Variants in STK32B observed in about 807,000 individuals in gnomAD.
The protein encoded by STK32B is serine/threonine-protein kinase 32B.
In STK32B, 43 loss-of-function variants were observed where a neutral mutation model predicts 52.6. That is an observed-to-expected ratio of 0.82 (90% CI 0.64 to 1.05). STK32B has a LOEUF of 1.05. STK32B is among the 50% of genes least tolerant of loss of function. The pLI, the probability that STK32B is intolerant of heterozygous loss-of-function variation, is 0.00. For missense variants in STK32B, 621 were observed against 534.6 expected (o/e 1.16, Z -1.59); for synonymous variants, 238 against 204.3 (o/e 1.17, Z -1.41).
chr4:5,409,721 A>G (rs1292872047), intron 5 of STK32B, among the ~76,000 whole-genome samples: 1 of 152,116 alleles, frequency 6.6e-6, no homozygotes, highest in African/African-American at 2.4e-5. Flanking sequence ...AGAGCTCAGT[A>G]AAGCCCAGAA....
intron 3 of STK32B, among the ~76,000 whole-genome samples, chr4:5,249,448 TTCCTTCCTTCCTTCCTTCCTTCC>T (rs1303684240): frequency 5.6e-5 from 2 of 35,912 alleles, no homozygotes; most frequent in African/African-American, 3.9e-4. Context: ...CCTACCTTCC[TTCCTTCCTTCCTTCCTTCCTTCC>T]TTCCTTCCTT....
At position 5,222,279 on chromosome 4, in the gene STK32B, G is replaced by C. The variant is rs555996766; in HGVS notation, c.260+53829G>C. On this transcript the variant is annotated intron_variant, in intron 3 of 11. Transcript: ENST00000282908. ...GTTACTATGCCAAATACCTAAAAAA[G>C]TGGAAGTAGCTTTCAAACTGGGTAA... Among the ~76,000 whole-genome samples the C allele has an allele frequency of 2.9e-4, 44 of 152,292 alleles. 1 individual carries two copies. In the South Asian group the frequency reaches 8.1e-3, roughly 28 times the overall value.
At chr4:5,490,611 C>T (rs1719641703) in intron 11 of STK32B, among the ~76,000 whole-genome samples, 1 of 151,390 alleles carries the variant, frequency 6.6e-6, no homozygotes, top group Admixed American at 6.6e-5. Context: ...TTTTAGGGTA[C>T]ATGTGCACAA....
chr4:5,331,651 T>A (rs186219663), intron 4 of STK32B, among the ~76,000 whole-genome samples: 68 of 152,332 alleles, frequency 4.5e-4, no homozygotes, highest in Non-Finnish European at 7.8e-4. Flanking sequence ...TGCTCCAGTA[T>A]GCCTAGGGAA....
intron 6 of STK32B, among the ~76,000 whole-genome samples, chr4:5,420,531 G>A (rs2109076365): frequency 6.6e-6 from 1 of 152,322 alleles, no homozygotes; most frequent in East Asian, 1.9e-4. Context: ...GACCCAGCAA[G>A]AGCAGTAGGT....
At chr4:5,322,438 G>T (rs1731570489) in intron 3 of STK32B, among the ~76,000 whole-genome samples, 1 of 152,156 alleles carries the variant, frequency 6.6e-6, no homozygotes, top group African/African-American at 2.4e-5. Context: ...AAAGTGGCCT[G>T]AGGAGATGCT....
At chr4:5,364,316 G>GTTA (rs1219057569) in intron 4 of STK32B, among the ~76,000 whole-genome samples, 2 of 152,250 alleles carry the variant, frequency 1.3e-5, no homozygotes, top group South Asian at 2.1e-4. Context: ...CAGCATATCT[G>GTTA]TTATTATTAT....
intron 3 of STK32B, among the ~76,000 whole-genome samples, chr4:5,214,762 C>G (rs1723091870): frequency 6.6e-6 from 1 of 152,156 alleles, no homozygotes; most frequent in South Asian, 2.1e-4. Flanking sequence ...ACTGTATATA[C>G]AGATTTGAAT....
At chr4:5,479,734 T>C (rs1224823461) in intron 11 of STK32B, among the ~76,000 whole-genome samples, 6 of 152,320 alleles carry the variant, frequency 3.9e-5, no homozygotes, top group Non-Finnish European at 8.8e-5. Context: ...TGACTTTTGC[T>C]TTTTTCTCTT....
intron 3 of STK32B, among the ~76,000 whole-genome samples, chr4:5,261,591 G>GT (rs928223625): frequency 1.3e-5 from 2 of 152,164 alleles, no homozygotes; most frequent in African/African-American, 4.8e-5. Flanking sequence ...GATCAGAGAG[G>GT]TTTAATAACT....
chr4:5,483,200 G>A (rs1291851297), intron 11 of STK32B, among the ~76,000 whole-genome samples: 9 of 151,558 alleles, frequency 5.9e-5, no homozygotes, highest in African/African-American at 2.0e-4. Flanking sequence ...GAATTTGGCT[G>A]TGAATCCATC....
chr4:5,385,179 A>C (rs576186454), intron 4 of STK32B, among the ~76,000 whole-genome samples: 1 of 151,898 alleles, frequency 6.6e-6, no homozygotes, highest in East Asian at 2.0e-4. Context: ...GCTAGAGGGA[A>C]TGGGGGAGAA....
At chr4:5,321,575 C>T (rs1189642902) in intron 3 of STK32B, among the ~76,000 whole-genome samples, 1 of 152,198 alleles carries the variant, frequency 6.6e-6, no homozygotes, top group African/African-American at 2.4e-5. Flanking sequence ...CTTCGTTGTA[C>T]ATTTTTCCCA....
chr4:5,214,161 C>T lies in STK32B; in HGVS notation c.260+45711C>T, dbSNP rs560889584. The stretch of plus-strand genomic sequence containing the variant: ...TTGGATCATGGGGGCGGGTTTCTCC[C>T]TTGCTATTCTCATGATAGTGAGTGA... On this transcript the variant is annotated intron_variant, in intron 3 of 11. Coordinates refer to ENST00000282908, the MANE Select transcript of STK32B (RefSeq NM_018401.3). 3 of 152,218 alleles carry T rather than the reference C, an allele frequency of 2.0e-5. No homozygotes were observed. The East Asian group carries it at 5.8e-4, about 30-fold the overall frequency. The allele number at this position is 152,218 out of a possible 1,614,324, so 9.4% of individuals were successfully genotyped here.
chr4:5,123,871 A>G (rs74823137), intron 1 of STK32B, among the ~76,000 whole-genome samples: 2,172 of 144,030 alleles, frequency 0.015, 59 homozygotes, highest in African/African-American at 0.052. Context: ...ACCATCATCA[A>G]TCTCCTCATC....
rs566501294 is a variant in STK32B, at chr4:5,356,708, T to A, written c.434+25315T>A. Among the ~76,000 whole-genome samples the A allele has an allele frequency of 2.0e-5, 3 of 152,172 alleles. No individual in the cohort carries two copies. The South Asian group carries it at 6.2e-4, about 32-fold the overall frequency. ...CAGCACACGGTAGGTGTTTAATAAG[T>A]GTATATTGCTGGGCGCGGTGGCTCA... On this transcript the variant is annotated intron_variant, in intron 4 of 11. Transcript: ENST00000282908.
rs3072775 is a variant in STK32B at position 5,059,052 on chromosome 4, C to CTTTTTTTTTTTTTTTTTTTTTT, written c.52+7145_52+7166dup. ...AGGCGTGAGCCACCACGCCCAGCTG[C>CTTTTTTTTTTTTTTTTTTTTTT]TTTTTTTTTTTTTTTTTTTTTTTTT... is the stretch of plus-strand genomic sequence containing the variant. On this transcript the variant is annotated intron_variant, in intron 1 of 11. Coordinates refer to ENST00000282908, the MANE Select transcript of STK32B (RefSeq NM_018401.3). Among the ~76,000 whole-genome samples the CTTTTTTTTTTTTTTTTTTTTTT allele has an allele frequency of 2.6e-4, 23 of 86,920 alleles. 7 individuals are homozygous for CTTTTTTTTTTTTTTTTTTTTTT. Among genetic ancestry groups the CTTTTTTTTTTTTTTTTTTTTTT allele is most frequent in the Admixed American group, 4.4e-4 (3 of 6,806 alleles). 57.0% of individuals were successfully genotyped at this position (86,920 alleles called of 152,430 possible).
At chr4:5,423,893 C>T (rs912460444) in intron 6 of STK32B, among the ~76,000 whole-genome samples, 30 of 152,236 alleles carry the variant, frequency 2.0e-4, no homozygotes, top group African/African-American at 6.3e-4. Context: ...GTGGAAGCCC[C>T]GCCGCCCCCT....
In STK32B at chr4:5,400,720, T is replaced by C. The variant is rs943952053; in HGVS notation, c.472+2476T>C. Among the ~76,000 whole-genome samples the C allele has an allele frequency of 2.0e-5, 3 of 152,218 alleles. No homozygotes were observed. The highest frequency in any genetic ancestry group is 2.9e-5 in the Non-Finnish European group (2 of 68,040). On this transcript the variant is annotated intron_variant, in intron 5 of 11. Transcript: ENST00000282908. The surrounding 1 kb of genome is among the most constrained non-coding windows in gnomAD (Gnocchi z 6.1). ...AGAGAAAGAGAGAATTCTATGCCCA[T>C]GGCCCTCCTTTACCTGCTCTTCTGA...
Sources: allele counts gnomAD v4.1 joint callset (sites outside exome capture counted in the v4.1 genomes callset), GRCh38; gene constraint gnomAD v4.1.1; non-coding constraint Gnocchi (gnomAD v3.1); transcripts MANE v1.5; gene names NCBI Gene and HGNC (gene_info 2026-07-23, HGNC 2026-07-21).